SLC17A1: variants seen among roughly 807,000 people sequenced by gnomAD.
SLC17A1 encodes sodium-dependent phosphate transport protein 1.
In SLC17A1, 51 loss-of-function variants were observed where a neutral mutation model predicts 53.5. That is an observed-to-expected ratio of 0.95 (90% CI 0.76 to 1.20). The LOEUF (loss-of-function observed/expected upper bound fraction) is 1.20, where lower values mean the gene tolerates loss of function less well. SLC17A1 is among the 50% of genes most tolerant of loss of function. SLC17A1 has a pLI of 0.00. For missense variants in SLC17A1, 538 were observed against 568.2 expected (o/e 0.95, Z 0.54); for synonymous variants, 179 against 198.8 (o/e 0.90, Z 0.84).
At chr6:25,727,595 T>C in the SLC17A1 span, among the ~76,000 whole-genome samples, 1 of 151,710 alleles carries the variant, frequency 6.6e-6, no homozygotes, top group Admixed American at 6.6e-5. Context: ...TTTCACCATG[T>C]TGGCCAGGAT....
downstream of SLC17A1, among the ~76,000 whole-genome samples, chr6:25,782,050 G>A (rs1763279138): frequency 6.6e-6 from 1 of 152,218 alleles, no homozygotes; most frequent in African/African-American, 2.4e-5. Context: ...TGTGACAAGG[G>A]AGGAATTTTG....
At chr6:25,798,012 G>C (rs572537721) in intron 12 of SLC17A1, among the ~76,000 whole-genome samples, 1 of 152,244 alleles carries the variant, frequency 6.6e-6, no homozygotes, top group Admixed American at 6.5e-5. Context: ...TGTATCCAAG[G>C]TTTGATGAGA....
chr6:25,826,326 C>G, intron 3 of SLC17A1, 135 bp downstream of exon 3: 1 of 620,706 alleles, frequency 1.6e-6, no homozygotes, highest in Non-Finnish European at 2.6e-6. Flanking sequence ...ATTTAGGTCA[C>G]TCCTGGCAAG....
the SLC17A1 span, chr6:25,768,490 A>C: frequency 1.6e-6 from 1 of 633,004 alleles, no homozygotes; most frequent in Non-Finnish European, 2.0e-6. Flanking sequence ...TGATCTAACC[A>C]TAGCCTATCT....
intron 12 of SLC17A1, among the ~76,000 whole-genome samples, chr6:25,784,119 G>A (rs993191424): frequency 1.3e-5 from 2 of 152,046 alleles, no homozygotes; most frequent in African/African-American, 2.4e-5. Flanking sequence ...ATTAAAACAT[G>A]GCGTCCATAC....
chr6:25,725,313 G>A, the SLC17A1 span, among the ~76,000 whole-genome samples: 1 of 152,128 alleles, frequency 6.6e-6, no homozygotes, highest in East Asian at 1.9e-4. Flanking sequence ...GCTTCTTTTT[G>A]ACATATTTTA....
At chr6:25,769,773 C>T in the SLC17A1 span, among the ~76,000 whole-genome samples, 1 of 151,816 alleles carries the variant, frequency 6.6e-6, no homozygotes, top group East Asian at 1.9e-4. Flanking sequence ...CTTTTTCTTC[C>T]TTCCACGTAT....
At chr6:25,762,099 G>A in the SLC17A1 span, 50 of 1,533,050 alleles carry the variant, frequency 3.3e-5, no homozygotes, top group Non-Finnish European at 4.5e-5. Flanking sequence ...ACTAGGATCT[G>A]TGGCACTGTA....
chr6:25,745,198 G>A, the SLC17A1 span, among the ~76,000 whole-genome samples: 1 of 152,124 alleles, frequency 6.6e-6, no homozygotes, highest in Admixed American at 6.5e-5. Context: ...TTCCTCTGAA[G>A]TTATAGGTCT....
the SLC17A1 span, among the ~76,000 whole-genome samples, chr6:25,767,722 C>T: frequency 6.6e-6 from 1 of 152,020 alleles, no homozygotes; most frequent in African/African-American, 2.4e-5. Context: ...GCTGAGGTGC[C>T]CATTCTTACC....
At chr6:25,784,351 G>T (rs994457806) in intron 12 of SLC17A1, among the ~76,000 whole-genome samples, 2 of 152,112 alleles carry the variant, frequency 1.3e-5, no homozygotes, top group Non-Finnish European at 2.9e-5. Flanking sequence ...TTGGCTTATG[G>T]TTCTGCAGGC....
At chr6:25,788,435 C>A (rs1309341189) in intron 12 of SLC17A1, among the ~76,000 whole-genome samples, 1 of 152,132 alleles carries the variant, frequency 6.6e-6, no homozygotes, top group Non-Finnish European at 1.5e-5. Context: ...CCTGGGGATG[C>A]TCCAGCAGGA....
intron 2 of SLC17A1, among the ~76,000 whole-genome samples, chr6:25,829,883 A>G (rs1764885793): frequency 6.6e-6 from 1 of 152,218 alleles, no homozygotes. Flanking sequence ...AAACATATAT[A>G]TATAAACTTT....
At chr6:25,828,863 T>C (rs1764845626) in intron 2 of SLC17A1, among the ~76,000 whole-genome samples, 1 of 152,138 alleles carries the variant, frequency 6.6e-6, no homozygotes, top group Admixed American at 6.5e-5. Flanking sequence ...TTTGCAGCTA[T>C]AAAAATGCTA....
the SLC17A1 span, chr6:25,727,009 C>T: frequency 3.7e-6 from 6 of 1,614,024 alleles, no homozygotes; most frequent in African/African-American, 5.3e-5. Flanking sequence ...CGCAAGAGGA[C>T]CCGTAAGGAG....
At chr6:25,767,465 G>A in the SLC17A1 span, among the ~76,000 whole-genome samples, 1 of 152,024 alleles carries the variant, frequency 6.6e-6, no homozygotes, top group African/African-American at 2.4e-5. Flanking sequence ...CAAAATTTGG[G>A]GGCCACAGAG....
At position 25,800,904 on chromosome 6, in the gene SLC17A1, A is replaced by G. The variant is rs186125927; in HGVS notation, c.1255T>C (p.Leu419=). ...ATGTTTCTTACCTGCTTAAGGATCA[A>G]TCCAGTCAAAGTGGAAGCAATTAGT... ...GGLIASTLTG[L]ILKQDPESAW... is the part of the protein sequence containing the mutation. Residue 419 remains leucine (L), a synonymous_variant, in exon 11 of 13, where the codon TTG becomes CTG. Transcript: ENST00000244527. 70 of 1,602,302 alleles carry G rather than the reference A, an allele frequency of 4.4e-5. No individual in the cohort carries two copies. The East Asian group carries it at 1.5e-3, about 34-fold the overall frequency.
At chr6:25,726,776 T>C in the SLC17A1 span, 6 of 1,223,374 alleles carry the variant, frequency 4.9e-6, no homozygotes, top group South Asian at 3.0e-5. Context: ...CCTCCAGTTC[T>C]GTTTGTTTAC....
the SLC17A1 span, chr6:25,777,606 C>G: frequency 5.1e-6 from 1 of 197,398 alleles, no homozygotes; most frequent in Non-Finnish European, 9.8e-6. Flanking sequence ...ACAACAACAA[C>G]AAAAACCTTA....
Sources: gnomAD v4.1 joint callset for allele counts (sites outside exome capture counted in the v4.1 genomes callset) on GRCh38, gnomAD v4.1.1 for gene constraint, MANE v1.5 for transcripts, NCBI Gene and HGNC (gene_info 2026-07-23, HGNC 2026-07-21) for gene names.